The following OLFM3 variants were observed in gnomAD, a reference collection of about 807,000 sequenced individuals.
The protein encoded by OLFM3 is olfactomedin 3, also known as noelin-3.
OLFM3 carries 20 observed loss-of-function variants against 48.6 expected under a neutral mutation model. The observed-to-expected ratio is 0.41, with a 90% confidence interval of 0.29 to 0.60. The LOEUF is 0.60. Among genes scored for constraint, OLFM3 ranks in the 20% least tolerant of loss-of-function variants. OLFM3 has a pLI of 0.28. For missense variants in OLFM3, 437 were observed against 544.3 expected (o/e 0.80, Z 1.96); for synonymous variants, 222 against 198.1 (o/e 1.12, Z -1.01).
At chr1:101,939,902 C>T (rs540525740) in intron 1 of OLFM3, among the ~76,000 whole-genome samples, 15 of 152,228 alleles carry the variant, frequency 9.9e-5, no homozygotes, top group Non-Finnish European at 1.9e-4. Context: ...TCTACCCACA[C>T]AGTGCTTATC....
chr1:101,853,867 A>G (rs1379310389), intron 1 of OLFM3, among the ~76,000 whole-genome samples: 1 of 152,004 alleles, frequency 6.6e-6, no homozygotes, highest in Non-Finnish European at 1.5e-5. Flanking sequence ...TCCATTTTTC[A>G]CATGTAGAAT....
intron 1 of OLFM3, among the ~76,000 whole-genome samples, chr1:101,953,734 ATT>A (rs1660210744): frequency 6.6e-6 from 1 of 152,260 alleles, no homozygotes; most frequent in East Asian, 1.9e-4. Flanking sequence ...TAAACCTAAT[ATT>A]TTTACCCTTC....
chr1:101,821,143 A>G (rs77187349), intron 4 of OLFM3, among the ~76,000 whole-genome samples: 2,888 of 152,164 alleles, frequency 0.019, 50 homozygotes, highest in Admixed American at 0.033. Flanking sequence ...TGATATATGG[A>G]TAATTGGGTA....
chr1:101,838,353 C>T (rs969871475), intron 1 of OLFM3, among the ~76,000 whole-genome samples: 2 of 152,104 alleles, frequency 1.3e-5, no homozygotes, highest in African/African-American at 4.8e-5. Context: ...ACCACTGCAA[C>T]CAGCCCAGCT....
chr1:101,910,492 GA>G (rs945372922), intron 1 of OLFM3, among the ~76,000 whole-genome samples: 21 of 138,560 alleles, frequency 1.5e-4, no homozygotes, highest in African/African-American at 5.1e-4. Flanking sequence ...AAAGAAAGAA[GA>G]AAAAAAGTAC....
At chr1:101,813,153 A>T in intron 4 of OLFM3, 1 of 1,245,752 alleles carries the variant, frequency 8.0e-7, no homozygotes, top group Non-Finnish European at 1.1e-6. Context: ...TCAACTGGAA[A>T]GGAAATTTAA....
intron 4 of OLFM3, among the ~76,000 whole-genome samples, chr1:101,807,605 C>A (rs1023378701): frequency 3.3e-5 from 5 of 151,898 alleles, no homozygotes; most frequent in Non-Finnish European, 7.4e-5. Context: ...CTAAGCTTTG[C>A]AGTTAGGAAG....
intron 1 of OLFM3, among the ~76,000 whole-genome samples, chr1:101,874,192 A>T (rs1290293936): frequency 6.6e-6 from 1 of 151,852 alleles, no homozygotes; most frequent in Non-Finnish European, 1.5e-5. Flanking sequence ...CTGCCTCTTG[A>T]CCATGTGGTT....
intron 2 of OLFM3, 70 bp downstream of exon 2, chr1:101,836,809 C>G (rs1163806615): frequency 4.8e-6 from 7 of 1,464,100 alleles, no homozygotes; most frequent in East Asian, 2.3e-5. Context: ...ATTATCGGCT[C>G]TACCATATTT....
chr1:101,954,601 A>G (rs1341898418), intron 1 of OLFM3, among the ~76,000 whole-genome samples: 1 of 152,094 alleles, frequency 6.6e-6, no homozygotes, highest in Non-Finnish European at 1.5e-5. Flanking sequence ...TAAAAGTAAT[A>G]ACTCTACTTT....
At chr1:101,936,372 A>G (rs145920698) in intron 1 of OLFM3, among the ~76,000 whole-genome samples, 3 of 152,214 alleles carry the variant, frequency 2.0e-5, no homozygotes, top group Non-Finnish European at 4.4e-5. Context: ...CAATAGCCAC[A>G]AAAAGAATAA....
intron 1 of OLFM3, chr1:101,859,968 G>A (rs1656586200): frequency 6.6e-6 from 1 of 152,078 alleles, no homozygotes; most frequent in African/African-American, 2.4e-5. Flanking sequence ...CAAGCTCCCA[G>A]AAGATGCAGA....
In OLFM3 at chr1:101,992,571, C is replaced by A. The variant is rs376971135; in HGVS notation, c.69+4177G>T. 5.6e-4 allele frequency among the ~76,000 whole-genome samples: 84 copies of A among 151,320 alleles called. 1 individual carries two copies. In the Middle Eastern group the frequency reaches 0.01, roughly 19 times the overall value. On this transcript the variant is annotated intron_variant, in intron 1 of 5. Coordinates refer to ENST00000370103, the MANE Select transcript of OLFM3 (RefSeq NM_058170.4). ...AGCGCACGAGAGAAACAGGAAAAGA[C>A]AGATTTTTAAGGCGAATTTTAAAGC...
At chr1:101,918,364 T>C (rs1213150046) in intron 1 of OLFM3, among the ~76,000 whole-genome samples, 1 of 152,202 alleles carries the variant, frequency 6.6e-6, no homozygotes, top group African/African-American at 2.4e-5. Context: ...GAAATAGGTA[T>C]CGTGGGGCTG....
chr1:101,896,488 C>CTTTTTTTT (rs35260761), intron 1 of OLFM3, among the ~76,000 whole-genome samples: 13 of 76,686 alleles, frequency 1.7e-4, no homozygotes, highest in Non-Finnish European at 2.3e-4. Context: ...TGCTTACACA[C>CTTTTTTTT]TTTTTTTTTT....
intron 1 of OLFM3, among the ~76,000 whole-genome samples, chr1:101,959,710 C>T (rs1660410538): frequency 6.6e-6 from 1 of 152,084 alleles, no homozygotes; most frequent in Admixed American, 6.6e-5. Context: ...TAGATAGCTG[C>T]TGAGTCAAGA....
intron 1 of OLFM3, among the ~76,000 whole-genome samples, chr1:101,877,864 A>G (rs887198495): frequency 6.6e-6 from 1 of 151,724 alleles, no homozygotes; most frequent in Non-Finnish European, 1.5e-5. Flanking sequence ...TAACTTTAAT[A>G]TCATTGTAAT....
chr1:101,831,381 G>A (rs2100912507), intron 2 of OLFM3, among the ~76,000 whole-genome samples: 1 of 152,292 alleles, frequency 6.6e-6, no homozygotes, highest in African/African-American at 2.4e-5. Context: ...GGACAGCATA[G>A]TGTTTGAGGG....
At chr1:101,868,718 T>C (rs1171234505) in intron 1 of OLFM3, among the ~76,000 whole-genome samples, 1 of 152,166 alleles carries the variant, frequency 6.6e-6, no homozygotes, top group Non-Finnish European at 1.5e-5. Flanking sequence ...GCTCTTCCCA[T>C]CACAAGCCTG....
Sources: gnomAD v4.1 joint callset for allele counts (sites outside exome capture counted in the v4.1 genomes callset) on GRCh38, gnomAD v4.1.1 for gene constraint, MANE v1.5 for transcripts, NCBI Gene and HGNC (gene_info 2026-07-23, HGNC 2026-07-21) for gene names.